Variants in AJAP1 observed in about 807,000 individuals in gnomAD.
AJAP1 encodes the protein adherens junction-associated protein 1.
Under a neutral mutation model 35.0 loss-of-function variants are expected in AJAP1, and 5 were observed. The ratio of observed to expected loss-of-function variants is 0.14; its 90% CI spans 0.07 to 0.30. AJAP1 has a LOEUF of 0.30. AJAP1 is among the 10% of genes least tolerant of loss of function. AJAP1 has a pLI of 1.00. For missense variants in AJAP1, 586 were observed against 571.0 expected, an observed-to-expected ratio of 1.03 and a Z score of -0.27; for synonymous variants, 284 against 249.3, an observed-to-expected ratio of 1.14 and a Z score of -1.31.
intron 1 of AJAP1, among the ~76,000 whole-genome samples, chr1:4,706,209 C>T (rs376160442): frequency 3.9e-5 from 6 of 152,246 alleles, no homozygotes; most frequent in East Asian, 1.9e-4. Flanking sequence ...AAAAAGCCAA[C>T]GGCACTGCTG....
Position 4,792,469 on chromosome 1 carries a change from C to G in AJAP1, c.*9984C>G, listed in dbSNP as rs1642261044. ...AAATGAAACACCTATATTAACTTTC[C>G]TGTGTATATTTAGTACTCTGATGTT... On this transcript the variant is annotated 3_prime_UTR_variant, in exon 6 of 6. Coordinates refer to ENST00000378191, the MANE Select transcript of AJAP1 (RefSeq NM_018836.4). 1 of 142,150 alleles carries G rather than the reference C, an allele frequency of 7.0e-6. No homozygotes were observed. Among genetic ancestry groups the G allele is most frequent in the African/African-American group, 2.6e-5 (1 of 37,994 alleles). 8.8% of individuals were successfully genotyped at this position (142,150 alleles called of 1,614,324 possible).
chr1:4,741,046 A>G (rs1203180037), intron 2 of AJAP1, among the ~76,000 whole-genome samples: 2 of 152,146 alleles, frequency 1.3e-5, no homozygotes, highest in Non-Finnish European at 2.9e-5. Context: ...CCTGGGGGCC[A>G]TGGCCACTCA....
At chr1:4,768,105 G>T (rs1056725086) in intron 2 of AJAP1, among the ~76,000 whole-genome samples, 5 of 152,262 alleles carry the variant, frequency 3.3e-5, no homozygotes, top group Non-Finnish European at 7.3e-5. Context: ...TACAGCAGGT[G>T]CCACAGATGG....
chr1:4,753,919 T>C (rs1315052058), intron 2 of AJAP1, among the ~76,000 whole-genome samples: 1 of 152,242 alleles, frequency 6.6e-6, no homozygotes, highest in South Asian at 2.1e-4. Context: ...TACTTACTTA[T>C]TCTATGAGAC....
chr1:4,767,113 A>C (rs780414382), intron 2 of AJAP1, among the ~76,000 whole-genome samples: 24 of 152,218 alleles, frequency 1.6e-4, no homozygotes, highest in Non-Finnish European at 2.4e-4. Flanking sequence ...GGCCAACATC[A>C]GAAGTAGATC....
intron 2 of AJAP1, among the ~76,000 whole-genome samples, chr1:4,769,581 G>T (rs929822772): frequency 1.3e-5 from 2 of 152,204 alleles, no homozygotes; most frequent in Non-Finnish European, 1.5e-5. Context: ...TCCAGGTCAC[G>T]GCTTGGAGAC....
At chr1:4,696,195 T>G (rs886678896) in intron 1 of AJAP1, among the ~76,000 whole-genome samples, 1 of 152,172 alleles carries the variant, frequency 6.6e-6, no homozygotes, top group Admixed American at 6.5e-5. Flanking sequence ...CAGTGCTGGC[T>G]CCTGGTCATT....
At chr1:4,672,899 G>A (rs1330874801) in intron 1 of AJAP1, among the ~76,000 whole-genome samples, 1 of 152,216 alleles carries the variant, frequency 6.6e-6, no homozygotes, top group Non-Finnish European at 1.5e-5. Context: ...GGGTGCAGAG[G>A]TGGAAGAGGA....
intron 1 of AJAP1, among the ~76,000 whole-genome samples, chr1:4,662,775 C>T (rs1027592292): frequency 1.3e-5 from 2 of 152,238 alleles, no homozygotes; most frequent in African/African-American, 2.4e-5. Context: ...TCGAACATTT[C>T]GCATTCAATA....
At chr1:4,666,363 A>T (rs554235619) in intron 1 of AJAP1, among the ~76,000 whole-genome samples, 3 of 152,286 alleles carry the variant, frequency 2.0e-5, no homozygotes, top group Non-Finnish European at 2.9e-5. Flanking sequence ...GGAGACTGGA[A>T]AGGCCAGCAG....
At chr1:4,685,649 C>T (rs996498362) in intron 1 of AJAP1, among the ~76,000 whole-genome samples, 1 of 32,906 alleles carries the variant, frequency 3.0e-5, no homozygotes, top group Non-Finnish European at 5.6e-5. Flanking sequence ...GACCCAAGAC[C>T]AAGACCCTGC....
intron 2 of AJAP1, among the ~76,000 whole-genome samples, chr1:4,714,449 G>A (rs763379525): frequency 6.6e-6 from 1 of 152,162 alleles, no homozygotes; most frequent in Non-Finnish European, 1.5e-5. Context: ...CACCTCCTCT[G>A]TATACGTCAC....
At chr1:4,701,932 C>T (rs191038615) in intron 1 of AJAP1, among the ~76,000 whole-genome samples, 1 of 152,176 alleles carries the variant, frequency 6.6e-6, no homozygotes, top group African/African-American at 2.4e-5. Flanking sequence ...CTTTCCTCCC[C>T]CAACACCCCG....
At chr1:4,678,550 G>T (rs1249398850) in intron 1 of AJAP1, among the ~76,000 whole-genome samples, 1 of 152,220 alleles carries the variant, frequency 6.6e-6, no homozygotes, top group Non-Finnish European at 1.5e-5. Flanking sequence ...CTGGCTGTCA[G>T]TGCCTTGCCC....
Position 4,790,639 on chromosome 1 carries a change from C to T in AJAP1, c.*8154C>T, listed in dbSNP as rs1642233612. 1 of 152,208 alleles carries T rather than the reference C, an allele frequency of 6.6e-6. No homozygotes were observed. The highest frequency in any genetic ancestry group is 2.4e-5 in the African/African-American group (1 of 41,438). 9.4% of individuals were successfully genotyped at this position (152,208 alleles called of 1,614,324 possible). On this transcript the variant is annotated 3_prime_UTR_variant, in exon 6 of 6. Coordinates refer to ENST00000378191, the MANE Select transcript of AJAP1 (RefSeq NM_018836.4). Reference sequence around the variant, plus strand: ...AGCGTTTGCGTTGCTTCCTCTGAAGCCAGAGGGTGAAAGGCCCTAGCAAAG... The same window carrying T: ...AGCGTTTGCGTTGCTTCCTCTGAAGTCAGAGGGTGAAAGGCCCTAGCAAAG...
intron 1 of AJAP1, among the ~76,000 whole-genome samples, chr1:4,664,209 C>A (rs1249281966): frequency 6.6e-6 from 1 of 152,186 alleles, no homozygotes; most frequent in Non-Finnish European, 1.5e-5. Context: ...CATCTGGCCT[C>A]TGAACCGTTA....
At chr1:4,727,991 G>A (rs1640709396) in intron 2 of AJAP1, among the ~76,000 whole-genome samples, 2 of 152,226 alleles carry the variant, frequency 1.3e-5, no homozygotes, top group South Asian at 4.1e-4. Flanking sequence ...GAACAGCAGG[G>A]CCCTGGTCGC....
intron 2 of AJAP1, among the ~76,000 whole-genome samples, chr1:4,728,530 G>C (rs909799140): frequency 7.2e-5 from 11 of 152,116 alleles, no homozygotes; most frequent in Non-Finnish European, 1.3e-4. Flanking sequence ...GGGTGTGAGC[G>C]GCCATCACAG....
chr1:4,724,461 G>C (rs569448606), intron 2 of AJAP1, among the ~76,000 whole-genome samples: 1 of 152,224 alleles, frequency 6.6e-6, no homozygotes, highest in Non-Finnish European at 1.5e-5. Context: ...GCACCCCCTG[G>C]GTGGTTTGTC....
Sources: gnomAD v4.1 joint callset for allele counts (sites outside exome capture counted in the v4.1 genomes callset) on GRCh38, gnomAD v4.1.1 for gene constraint, MANE v1.5 for transcripts, NCBI Gene and HGNC (gene_info 2026-07-23, HGNC 2026-07-21) for gene names.